CFAP47: variants seen among roughly 807,000 people sequenced by gnomAD.
CFAP47 encodes cilia- and flagella-associated protein 47.
In CFAP47, 29 loss-of-function variants were observed where a neutral mutation model predicts 148.1. The ratio of observed to expected loss-of-function variants is 0.20; its 90% CI spans 0.15 to 0.27. The LOEUF is 0.27. CFAP47 is among the 10% of genes least tolerant of loss of function. CFAP47 has a pLI of 1.00. For missense variants in CFAP47, 1,872 were observed against 1,697.5 expected (o/e 1.10, Z -1.81); for synonymous variants, 664 against 577.3 (o/e 1.15, Z -2.15).
intron 1 of CFAP47, among the ~76,000 whole-genome samples, chrX:35,923,871 A>G (rs929418849): frequency 1.1e-5 from 1 of 94,571 alleles, no homozygotes; most frequent in Admixed American, 1.2e-4. Context: ...ATGTACATAT[A>G]TGTATATATG....
rs901663015 is a variant in CFAP47, at chrX:36,200,453, G to A, written c.6396G>A (p.Thr2132=). 1.1e-4 allele frequency: 32 copies of A among 295,050 alleles called. No individual in the cohort carries two copies. Among genetic ancestry groups the A allele is most frequent in the African/African-American group, 3.9e-4 (14 of 36,311 alleles). 24.3% of individuals were successfully genotyped at this position (295,050 alleles called of 1,213,427 possible). ...PLPSSCLPMN[T]SSSPVYYSTT... is the part of the protein sequence containing the mutation. ...CTTCCAGTTGCCTTCCAATGAATAC[G>A]TCTTCAAGTCCAGTTTATTACAGCA... Residue 2132 remains threonine (T), a synonymous_variant, in exon 43 of 64, where the codon ACG becomes ACA. Coordinates refer to ENST00000378653, the MANE Select transcript of CFAP47 (RefSeq NM_001304548.2).
intron 13 of CFAP47, among the ~76,000 whole-genome samples, chrX:35,973,084 A>C (rs1936517535): frequency 8.9e-6 from 1 of 112,286 alleles, no homozygotes; most frequent in Non-Finnish European, 1.9e-5. Context: ...CATTTCCCTA[A>C]ATGAATAAGA....
intron 8 of CFAP47, among the ~76,000 whole-genome samples, chrX:35,966,064 G>T (rs1255695252): frequency 1.8e-5 from 2 of 108,233 alleles, no homozygotes; most frequent in Non-Finnish European, 3.9e-5. Context: ...TGGAGAAGTA[G>T]GTTTTTGGAA....
At chrX:35,940,317 A>G (rs1935986260) in intron 2 of CFAP47, among the ~76,000 whole-genome samples, 1 of 110,876 alleles carries the variant, frequency 9.0e-6, no homozygotes, top group African/African-American at 3.3e-5. Context: ...CCATTTGTCA[A>G]TTTTGGCTTT....
intron 45 of CFAP47, among the ~76,000 whole-genome samples, chrX:36,226,810 T>A (rs1940275293): frequency 9.0e-6 from 1 of 111,474 alleles, no homozygotes; most frequent in Non-Finnish European, 1.9e-5. Context: ...TTGACAGAAA[T>A]TTTATACTTG....
At chrX:36,247,128 C>T (rs1484384255) in intron 48 of CFAP47, among the ~76,000 whole-genome samples, 1 of 111,646 alleles carries the variant, frequency 9.0e-6, no homozygotes, top group East Asian at 2.8e-4. Flanking sequence ...TTTGCAGCAA[C>T]GTGGTTGTAG....
intron 54 of CFAP47, among the ~76,000 whole-genome samples, chrX:36,306,129 T>C (rs925637048): frequency 2.7e-5 from 3 of 112,016 alleles, no homozygotes; most frequent in African/African-American, 9.7e-5. Flanking sequence ...TTTGTAAGTG[T>C]TTATCTTCAA....
At chrX:36,240,516 A>G (rs1555995811) in intron 48 of CFAP47, among the ~76,000 whole-genome samples, 1 of 111,621 alleles carries the variant, frequency 9.0e-6, no homozygotes, top group African/African-American at 3.3e-5. Flanking sequence ...CCTCAACAGT[A>G]GATGTAAGCT....
intron 46 of CFAP47, among the ~76,000 whole-genome samples, chrX:36,235,444 G>C (rs1425587161): frequency 8.9e-6 from 1 of 112,405 alleles, no homozygotes; most frequent in African/African-American, 3.2e-5. Context: ...ATAATCTCCT[G>C]GTGCGCCATT....
At chrX:36,122,647 C>A (rs932145688) in intron 33 of CFAP47, among the ~76,000 whole-genome samples, 5 of 111,477 alleles carry the variant, frequency 4.5e-5, no homozygotes, top group Non-Finnish European at 7.5e-5. Context: ...CTACTTGATT[C>A]TTTTTAATTA....
chrX:36,005,518 T>A (rs1389573851), intron 21 of CFAP47, among the ~76,000 whole-genome samples: 6 of 112,107 alleles, frequency 5.4e-5, no homozygotes, highest in Non-Finnish European at 9.4e-5. Flanking sequence ...CTAATATAAT[T>A]CCCTTATAGT....
At chrX:36,009,378 A>C (rs1937014982) in intron 21 of CFAP47, among the ~76,000 whole-genome samples, 1 of 111,967 alleles carries the variant, frequency 8.9e-6, no homozygotes, top group Non-Finnish European at 1.9e-5. Flanking sequence ...ACAAAATATA[A>C]CCAGCTGCTG....
rs1264144131 is a variant in CFAP47, at chrX:35,951,122, A to G, written c.657-9A>G. On this transcript the variant is annotated splice_polypyrimidine_tract_variant and intron_variant, in intron 4 of 63. Transcript: ENST00000378653. ...TATGTATGTATGTGCATATCTTATT[A>G]TCCTGTAGAGTGATTTTGCAAGGTC... is the stretch of plus-strand genomic sequence containing the variant. 2.6e-6 allele frequency: 3 copies of G among 1,164,467 alleles called. No homozygotes were observed. In the East Asian group the frequency reaches 8.9e-5, roughly 35 times the overall value.
chrX:36,047,846 A>G (rs1332239026), intron 26 of CFAP47, among the ~76,000 whole-genome samples: 1 of 112,218 alleles, frequency 8.9e-6, no homozygotes, highest in Non-Finnish European at 1.9e-5. Flanking sequence ...AATACATCAT[A>G]TTTCACAACA....
chrX:36,212,492 G>A (rs1555989635), intron 45 of CFAP47, among the ~76,000 whole-genome samples: 1 of 111,360 alleles, frequency 9.0e-6, no homozygotes, highest in African/African-American at 3.3e-5. Flanking sequence ...AATTTGAGGA[G>A]GATTGTTATC....
At chrX:36,152,878 T>TG (rs759349623) in intron 37 of CFAP47, among the ~76,000 whole-genome samples, 2 of 110,949 alleles carry the variant, frequency 1.8e-5, no homozygotes, top group East Asian at 2.9e-4. Flanking sequence ...GTGAACTTGG[T>TG]GGGGGGGACA....
At chrX:36,253,401 G>T (rs1435226809) in intron 49 of CFAP47, among the ~76,000 whole-genome samples, 2 of 111,248 alleles carry the variant, frequency 1.8e-5, no homozygotes, top group Non-Finnish European at 3.8e-5. Context: ...ACTATTGGAA[G>T]ACTTAAACTA....
intron 51 of CFAP47, among the ~76,000 whole-genome samples, chrX:36,288,988 C>T (rs1602092498): frequency 1.3e-5 from 1 of 79,444 alleles, no homozygotes; most frequent in Non-Finnish European, 2.5e-5. Flanking sequence ...AATGTATTTT[C>T]TTCTTTCATC....
chrX:36,179,314 T>A, intron 39 of CFAP47, 31 bp from the exon 40 acceptor site: 1 of 295,083 alleles, frequency 3.4e-6, no homozygotes, highest in Non-Finnish European at 5.9e-6. Context: ...TTGCAATCAA[T>A]TAAAAATAAT....
Sources: allele counts gnomAD v4.1 joint callset (sites outside exome capture counted in the v4.1 genomes callset), GRCh38; gene constraint gnomAD v4.1.1; transcripts MANE v1.5; gene names NCBI Gene and HGNC (gene_info 2026-07-23, HGNC 2026-07-21).